Variants in SLC6A6 observed in about 807,000 individuals in gnomAD.
The protein encoded by SLC6A6 is solute carrier family 6 member 6.
Under a neutral mutation model 68.8 loss-of-function variants are expected in SLC6A6, and 16 were observed. The ratio of observed to expected loss-of-function variants is 0.23; its 90% CI spans 0.16 to 0.35. The LOEUF is 0.35. Ranked by LOEUF, SLC6A6 falls within the 10% of genes least tolerant of loss-of-function variation. The pLI is 1.00. For synonymous variants in SLC6A6, 312 were observed against 315.4 expected, an observed-to-expected ratio of 0.99 and a Z score of 0.12; for missense variants, 474 against 802.8, an observed-to-expected ratio of 0.59 and a Z score of 4.95.
chr3:14,481,781 G>C lies in SLC6A6; in HGVS notation c.1662G>C (p.Met554Ile). 6.2e-7 allele frequency: 1 copy of C among 1,614,156 alleles called. No homozygotes were observed. The highest frequency in any genetic ancestry group is 8.5e-7 in the Non-Finnish European group (1 of 1,180,016). The change falls in exon 14 of 15, where the codon ATG (methionine) becomes ATC (isoleucine). Residue 554 changes from methionine to isoleucine, a missense_variant. Met to Ile is a conservative substitution (Grantham distance 10, BLOSUM62 1). Transcript: ENST00000622186. This position sits in a 1 kb window ranked among gnomAD's most constrained non-coding sequence, Gnocchi z 4.7. ...GCTGGAGCCTGGCCCTTTCCTCCAT[G>C]CTCTGCGTTCCCTTGGTCATCGTCA... ...GLGWSLALSSMLCVPLVIVIR... is the reference protein window; with the variant it reads ...GLGWSLALSSILCVPLVIVIR...
chr3:14,426,496 C>T (rs1015646668), intron 2 of SLC6A6, among the ~76,000 whole-genome samples: 4 of 152,134 alleles, frequency 2.6e-5, no homozygotes, highest in Non-Finnish European at 5.9e-5. Flanking sequence ...GCTTTTAAGC[C>T]CCATTAGACT....
chr3:14,472,869 G>C lies in SLC6A6; in HGVS notation c.1209+552G>C, dbSNP rs1478976594. On this transcript the variant is annotated intron_variant, in intron 10 of 14. Coordinates refer to ENST00000622186, the MANE Select transcript of SLC6A6 (RefSeq NM_003043.6). This position sits in a 1 kb window ranked among gnomAD's most constrained non-coding sequence, Gnocchi z 4.5. The stretch of plus-strand genomic sequence containing the variant: ...TGCTCCCTGGAGCGTGCGAGGGGCT[G>C]GGCATTGGCTCCCTCCCGTGCTTTA... 6.6e-6 allele frequency among the ~76,000 whole-genome samples: 1 copy of C among 152,242 alleles called. No individual in the cohort carries two copies. The highest frequency in any genetic ancestry group is 1.5e-5 in the Non-Finnish European group (1 of 68,050).
chr3:14,413,934 T>C (rs1243611342), intron 1 of SLC6A6, among the ~76,000 whole-genome samples: 1 of 152,124 alleles, frequency 6.6e-6, no homozygotes, highest in Non-Finnish European at 1.5e-5. Context: ...TTCAGTTTTA[T>C]TTTTTTTATT....
Position 14,472,218 on chromosome 3 carries a change from C to T in SLC6A6, c.1110C>T (p.Ala370=), listed in dbSNP as rs1368910734. ...TTTCCTTTCTAGGTCCTGGCCTGGC[C>T]TTCATTGCCTACCCAAAAGCTGTGA... ...ADVAESGPGL[A]FIAYPKAVTM... Residue 370 remains alanine, a synonymous_variant, in exon 10 of 15, where the codon GCC becomes GCT. Transcript: ENST00000622186. This position sits in a 1 kb window ranked among gnomAD's most constrained non-coding sequence, Gnocchi z 4.5. The T allele has an allele frequency of 6.2e-7, 1 of 1,612,420 alleles. No homozygotes were observed. Among genetic ancestry groups the T allele is most frequent in the Non-Finnish European group, 8.5e-7 (1 of 1,178,530 alleles).
rs1162536942 is a variant in SLC6A6 at position 14,478,923 on chromosome 3, A to T, written c.1451-162A>T. On this transcript the variant is annotated intron_variant, in intron 12 of 14. Coordinates refer to ENST00000622186, the MANE Select transcript of SLC6A6 (RefSeq NM_003043.6). ...CCAGAAAAATACAAGATGCAGAGTT[A>T]TATTTGAATTTCATGTAAATGTCTG... 3 of 613,328 alleles carry T rather than the reference A, an allele frequency of 4.9e-6. No homozygotes were observed. The African/African-American group carries it at 5.5e-5, about 11-fold the overall frequency. The allele number at this position is 613,328 out of a possible 1,614,324, so 38.0% of individuals were successfully genotyped here.
rs559490859 is a variant in SLC6A6, at chr3:14,409,878, A to G, written c.-53-6534A>G. 2.1e-3 allele frequency among the ~76,000 whole-genome samples: 325 copies of G among 152,268 alleles called. 2 individuals carry two copies. Among genetic ancestry groups the G allele is most frequent in the African/African-American group, 7.4e-3 (309 of 41,552 alleles). ...AAAGGAGGCACTTATCAACACAGGA[A>G]GATAAAGCCATCAAAAGAGCCATTG... On this transcript the variant is annotated intron_variant, in intron 1 of 14. Coordinates refer to ENST00000622186, the MANE Select transcript of SLC6A6 (RefSeq NM_003043.6).
At chr3:14,432,971 C>T (rs1331424359) in intron 2 of SLC6A6, among the ~76,000 whole-genome samples, 4 of 152,348 alleles carry the variant, frequency 2.6e-5, no homozygotes, top group East Asian at 1.9e-4. Context: ...TGACCAGAGA[C>T]GTCTTTGAAG....
At chr3:14,444,734 G>A in intron 3 of SLC6A6, 1 of 456,670 alleles carries the variant, frequency 2.2e-6, no homozygotes, top group Non-Finnish European at 4.4e-6. Flanking sequence ...TTAACCTTTT[G>A]TAGGTCTCAG....
chr3:14,410,549 G>A (rs1354992237), intron 1 of SLC6A6, among the ~76,000 whole-genome samples: 1 of 152,202 alleles, frequency 6.6e-6, no homozygotes. Context: ...GAGAGGGCTG[G>A]TGGTCTCCAG....
At chr3:14,465,943 G>A (rs2124978280) in intron 6 of SLC6A6, among the ~76,000 whole-genome samples, 1 of 152,308 alleles carries the variant, frequency 6.6e-6, no homozygotes. Context: ...ACTATTTATA[G>A]GATGTTTTTC....
chr3:14,466,587 G>T lies in SLC6A6; in HGVS notation c.804G>T (p.Pro268=), dbSNP rs561563380. The part of the protein sequence containing the change: ...LVLLVRGLTL[P]GAGAGIKFYL... ...TGCTGGTCCGAGGGCTGACGCTGCC[G>T]GGCGCGGGCGCAGGCATCAAGTTCT... is the stretch of plus-strand genomic sequence containing the variant. The change falls in exon 7 of 15, where the codon CCG becomes CCT. Residue 268 remains proline (P), a synonymous_variant. Transcript: ENST00000622186. 26 of 1,613,390 alleles carry T rather than the reference G, an allele frequency of 1.6e-5. No homozygotes were observed. The highest frequency in any genetic ancestry group is 2.1e-5 in the Non-Finnish European group (25 of 1,179,678).
rs1400998404 is a variant in SLC6A6 at position 14,485,900 on chromosome 3, A to T, written c.*893A>T. The T allele has an allele frequency of 2.6e-5, 4 of 152,610 alleles. No individual in the cohort carries two copies. The highest frequency in any genetic ancestry group is 4.4e-5 in the Non-Finnish European group (3 of 68,064). The allele number at this position is 152,610 out of a possible 1,614,324, so 9.5% of individuals were successfully genotyped here. On this transcript the variant is annotated 3_prime_UTR_variant, in exon 15 of 15. Coordinates refer to ENST00000622186, the MANE Select transcript of SLC6A6 (RefSeq NM_003043.6). ...TCGCAAGAGGTGGCAGAGGCACAGG[A>T]GGCCACAGTCCTTCCTGGGGCATTC...
chr3:14,489,142 C>T lies in SLC6A6; in HGVS notation c.*4135C>T, dbSNP rs1701262594. 6.6e-6 allele frequency: 1 copy of T among 152,306 alleles called. No homozygotes were observed. The highest frequency in any genetic ancestry group is 1.5e-5 in the Non-Finnish European group (1 of 68,010). 9.4% of individuals were successfully genotyped at this position (152,306 alleles called of 1,614,324 possible). A position where few individuals can be genotyped will look rare whatever the true frequency, so the allele number is the denominator to read the frequency against. On this transcript the variant is annotated 3_prime_UTR_variant, in exon 15 of 15. Transcript: ENST00000622186. ...AGGAACATTTGTATTTGAACAAGAT[C>T]CTTGGTGTGTAGTTCAGTCTTGCAG...
At chr3:14,435,968 C>T (rs1699842857) in intron 2 of SLC6A6, among the ~76,000 whole-genome samples, 1 of 152,216 alleles carries the variant, frequency 6.6e-6, no homozygotes, top group African/African-American at 2.4e-5. Flanking sequence ...GGACTCCTGT[C>T]CTTTGCCCAC....
At chr3:14,444,881 C>T (rs1425426917) in intron 3 of SLC6A6, 1 of 454,960 alleles carries the variant, frequency 2.2e-6, no homozygotes, top group South Asian at 1.6e-5. Context: ...GATCCCCTGC[C>T]CCAATGCTTT....
chr3:14,444,202 G>A lies in SLC6A6; in HGVS notation c.229+339G>A, dbSNP rs1486125959. 3 of 262,456 alleles carry A rather than the reference G, an allele frequency of 1.1e-5. No homozygotes were observed. In the East Asian group the frequency reaches 2.4e-4, roughly 21 times the overall value. 16.3% of individuals were successfully genotyped at this position (262,456 alleles called of 1,614,324 possible). On this transcript the variant is annotated intron_variant, in intron 3 of 14. Transcript: ENST00000622186. ...CAGACATTCACACACCTCCTTATCTGTCCGCCATATCTACTTGCCTCTGAC... is the reference window on the plus strand; with the variant it reads ...CAGACATTCACACACCTCCTTATCTATCCGCCATATCTACTTGCCTCTGAC...
chr3:14,458,114 C>T (rs1700412461), intron 6 of SLC6A6, 32 bp downstream of exon 6: 2 of 1,607,264 alleles, frequency 1.2e-6, no homozygotes, highest in East Asian at 4.5e-5. Flanking sequence ...CCCCTGCCTC[C>T]TGGAGAGCTG....
intron 2 of SLC6A6, among the ~76,000 whole-genome samples, chr3:14,417,454 G>A (rs567032267): frequency 2.6e-5 from 4 of 152,020 alleles, no homozygotes; most frequent in Admixed American, 1.3e-4. Context: ...AGGCCAGGCC[G>A]GGCGCCGTGG....
intron 10 of SLC6A6, among the ~76,000 whole-genome samples, chr3:14,476,434 T>C (rs1700880411): frequency 6.6e-6 from 1 of 152,150 alleles, no homozygotes; most frequent in Non-Finnish European, 1.5e-5. Context: ...TCCCCTGAAA[T>C]GTTACCTACA....
Sources: gnomAD v4.1 joint callset for allele counts (sites outside exome capture counted in the v4.1 genomes callset) on GRCh38, gnomAD v4.1.1 for gene constraint, Gnocchi (gnomAD v3.1) non-coding constraint, MANE v1.5 for transcripts, NCBI Gene and HGNC (gene_info 2026-07-23, HGNC 2026-07-21) for gene names.